The following DYNC1H1 variants were observed in gnomAD, a reference collection of about 807,000 sequenced individuals.
The protein encoded by DYNC1H1 is dynein cytoplasmic 1 heavy chain 1, also known as cytoplasmic dynein 1 heavy chain 1.
DYNC1H1 carries 51 observed loss-of-function variants against 527.1 expected under a neutral mutation model. That is an observed-to-expected ratio of 0.10 (90% confidence interval 0.08 to 0.12). The LOEUF is 0.12. DYNC1H1 is among the 10% of genes least tolerant of loss of function. The pLI is 1.00. For missense variants in DYNC1H1, 2,771 were observed against 5,971.8 expected (o/e 0.46, Z 17.66); for synonymous variants, 2,189 against 2,278.8 (o/e 0.96, Z 1.12).
rs1479775669 is a variant in DYNC1H1 at position 101,965,549 on chromosome 14, C to T, written c.256+602C>T. Reference sequence around the variant, plus strand: ...GAGGCCCACAGAGCGACGGTGCCAGCCCCGGGCCTGCGAGCATCACTGTTG... The same window carrying T: ...GAGGCCCACAGAGCGACGGTGCCAGTCCCGGGCCTGCGAGCATCACTGTTG... On this transcript the variant is annotated intron_variant, in intron 1 of 77. Transcript: ENST00000360184. The surrounding 1 kb of genome is among the most constrained non-coding windows in gnomAD (Gnocchi z 4.1). Among the ~76,000 whole-genome samples the T allele has an allele frequency of 6.6e-6, 1 of 152,150 alleles. No individual in the cohort carries two copies. The highest frequency in any genetic ancestry group is 1.5e-5 in the Non-Finnish European group (1 of 68,036).
intron 9 of DYNC1H1, 57 bp downstream of exon 9, chr14:101,987,689 AAG>A: frequency 6.3e-7 from 1 of 1,592,502 alleles, no homozygotes; most frequent in Non-Finnish European, 8.6e-7. Context: ...ACCCTCCAGT[AAG>A]CTTATTAGTT....
chr14:101,988,434 G>A (rs1224115944), intron 9 of DYNC1H1, among the ~76,000 whole-genome samples: 1 of 152,218 alleles, frequency 6.6e-6, no homozygotes. Flanking sequence ...CACACCAGTG[G>A]AGAGTGTTGG....
Position 101,987,407 on chromosome 14 carries a change from C to G in DYNC1H1, c.2539-46C>G, listed in dbSNP as rs536707892. ...AGAATGTTATGTGAGAATAAAGGAA[C>G]AGAGTGTGAGTGGGTGTTTTAAATA... On this transcript the variant is annotated intron_variant, in intron 8 of 77. Coordinates refer to ENST00000360184, the MANE Select transcript of DYNC1H1 (RefSeq NM_001376.5). The G allele has an allele frequency of 4.5e-5, 70 of 1,561,080 alleles. 1 individual carries two copies. In the South Asian group the frequency reaches 7.8e-4, roughly 17 times the overall value.
At chr14:101,982,309 A>G (rs1380591792) in intron 5 of DYNC1H1, among the ~76,000 whole-genome samples, 6 of 152,150 alleles carry the variant, frequency 3.9e-5, no homozygotes, top group Non-Finnish European at 8.8e-5. Flanking sequence ...AATAATAGAA[A>G]TAGGCTGGGT....
intron 2 of DYNC1H1, among the ~76,000 whole-genome samples, chr14:101,976,827 G>A (rs930892883): frequency 3.9e-5 from 6 of 152,126 alleles, no homozygotes; most frequent in East Asian, 3.9e-4. Flanking sequence ...CGGGAAAAAA[G>A]CAATACATAC....
chr14:102,029,098 G>A lies in DYNC1H1; in HGVS notation c.9469-441G>A. 4.1e-6 allele frequency: 1 copy of A among 243,166 alleles called. No individual in the cohort carries two copies. The highest frequency in any genetic ancestry group is 2.3e-5 in the African/African-American group (1 of 44,152). 15.1% of individuals were successfully genotyped at this position (243,166 alleles called of 1,614,324 possible). On this transcript the variant is annotated intron_variant, in intron 48 of 77. Transcript: ENST00000360184. The surrounding 1 kb of genome is among the most constrained non-coding windows in gnomAD (Gnocchi z 5.3). ...CTGCAGGCCATCTCCATTGCCCTTGGAATGTCGTCCAGCCCTGGCTTCCCC... is the reference window on the plus strand; with the variant it reads ...CTGCAGGCCATCTCCATTGCCCTTGAAATGTCGTCCAGCCCTGGCTTCCCC...
chr14:101,980,507 T>C lies in DYNC1H1; in HGVS notation c.918T>C (p.His306=). 1 of 1,614,222 alleles carries C rather than the reference T, an allele frequency of 6.2e-7. No individual in the cohort carries two copies. The change falls in exon 5 of 78, where the codon CAT becomes CAC. Residue 306 remains histidine (H), a synonymous_variant. Coordinates refer to ENST00000360184, the MANE Select transcript of DYNC1H1 (RefSeq NM_001376.5). The part of the protein sequence containing the change: ...EVLLTLDILK[H]GKRFHATVSF... ...TCCTGACTCTGGATATCTTGAAACA[T>C]GGCAAGCGCTTCCATGCCACCGTCA...
intron 2 of DYNC1H1, among the ~76,000 whole-genome samples, chr14:101,976,894 G>A (rs6575888): frequency 0.33 from 50,148 of 152,068 alleles, 11,634 homozygotes; most frequent in African/African-American, 0.67. Context: ...AACTATTTAT[G>A]TATTGTTTAT....
chr14:102,019,810 T>C (rs2048364942), intron 41 of DYNC1H1, 83 bp from the exon 42 acceptor site: 3 of 1,553,288 alleles, frequency 1.9e-6, no homozygotes, highest in South Asian at 1.1e-5. Flanking sequence ...AATGTAAACA[T>C]GTTTTGCCAC....
At chr14:101,982,565 T>A (rs1480696223) in intron 5 of DYNC1H1, among the ~76,000 whole-genome samples, 1 of 151,924 alleles carries the variant, frequency 6.6e-6, no homozygotes, top group African/African-American at 2.4e-5. Flanking sequence ...GCACTCCAGC[T>A]TGGGCGACAG....
Position 101,985,359 on chromosome 14 carries a change from G to A in DYNC1H1, c.1462-328G>A, listed in dbSNP as rs1232274742. Among the ~76,000 whole-genome samples, 1 of 151,748 alleles carries A rather than the reference G, an allele frequency of 6.6e-6. No homozygotes were observed. The highest frequency in any genetic ancestry group is 6.6e-5 in the Admixed American group (1 of 15,240). ...TTGTTTTTTGAGATGGAGTCTTGCT[G>A]TGTCGCCCAGGCTGGAGTGCAGTGG... On this transcript the variant is annotated intron_variant, in intron 7 of 77. Coordinates refer to ENST00000360184, the MANE Select transcript of DYNC1H1 (RefSeq NM_001376.5). This position sits in a 1 kb window ranked among gnomAD's most constrained non-coding sequence, Gnocchi z 5.9.
chr14:102,005,208 C>T lies in DYNC1H1; in HGVS notation c.5405C>T (p.Pro1802Leu), dbSNP rs1346194464. The T allele has an allele frequency of 6.2e-7, 1 of 1,614,202 alleles. No individual in the cohort carries two copies. Among genetic ancestry groups the T allele is most frequent in the Non-Finnish European group, 8.5e-7 (1 of 1,180,040 alleles). ...GACTCTGTCCTCATGGAGCAGCCCC[C>T]ACTCCGAAGGCGGAAGCTAGAACAC... Reference protein sequence around the residue: ...LADSVLMEQPPLRRRKLEHLI... With the variant: ...LADSVLMEQPLLRRRKLEHLI... The change falls in exon 26 of 78, where the codon CCA becomes CTA. Residue 1802 changes from proline (P) to leucine (L), a missense_variant. By Grantham distance (98) the Pro-to-Leu change is moderately conservative (BLOSUM62 -3). This residue lies in a region of DYNC1H1 where 64 missense variants were observed against 143.4 expected (regional missense o/e 0.45). Transcript: ENST00000360184. This position sits in a 1 kb window ranked among gnomAD's most constrained non-coding sequence, Gnocchi z 4.0.
At position 102,030,268 on chromosome 14, in the gene DYNC1H1, T is replaced by C. The variant is rs750222078; in HGVS notation, c.9869T>C (p.Ile3290Thr). Residue 3290 changes from isoleucine (I) to threonine (T), a missense_variant, in exon 51 of 78, where the codon ATT becomes ACT. By Grantham distance (89) the Ile-to-Thr change is moderately conservative. Around this residue, in one of 32 missense-constraint regions of DYNC1H1, gnomAD observed 30 missense variants for 117.8 expected, o/e 0.25. Transcript: ENST00000360184. ...EDLDKVEPAV[I>T]EAQNAVKSIK... Reference sequence around the variant, plus strand: ...CTTGATAAGGTGGAACCTGCCGTCATTGAGGCCCAGAATGGTATGTAAAGA... The same window carrying C: ...CTTGATAAGGTGGAACCTGCCGTCACTGAGGCCCAGAATGGTATGTAAAGA... 1.2e-6 allele frequency: 2 copies of C among 1,614,126 alleles called. No individual in the cohort carries two copies. Among genetic ancestry groups the C allele is most frequent in the Non-Finnish European group, 8.5e-7 (1 of 1,179,996 alleles).
At chr14:102,019,385 C>T (rs755520658) in intron 41 of DYNC1H1, among the ~76,000 whole-genome samples, 1 of 152,258 alleles carries the variant, frequency 6.6e-6, no homozygotes, top group Non-Finnish European at 1.5e-5. Flanking sequence ...AACTGCCCTG[C>T]TGTGTCTCCC....
At chr14:102,030,378 C>T (rs2048497042) in intron 51 of DYNC1H1, 96 bp downstream of exon 51, 1 of 1,581,674 alleles carries the variant, frequency 6.3e-7, no homozygotes, top group South Asian at 1.1e-5. Context: ...ACATATGCTT[C>T]CCTCAAAGGT....
rs1741438180 is a variant in DYNC1H1 at position 102,001,483 on chromosome 14, G to T, written c.4396-52G>T. 3 of 1,613,956 alleles carry T rather than the reference G, an allele frequency of 1.9e-6. No individual in the cohort carries two copies. The highest frequency in any genetic ancestry group is 2.5e-6 in the Non-Finnish European group (3 of 1,179,908). On this transcript the variant is annotated intron_variant, in intron 20 of 77. Transcript: ENST00000360184. This position sits in a 1 kb window ranked among gnomAD's most constrained non-coding sequence, Gnocchi z 5.0. ...CTTATAATGCTGGGTCCCTTGTGCA[G>T]GTAGTGAATGCCCACATATTGATAA...
chr14:101,980,308 T>G (rs2047848679), intron 4 of DYNC1H1, 56 bp from the exon 5 acceptor site: 9 of 1,592,916 alleles, frequency 5.7e-6, no homozygotes, highest in Non-Finnish European at 7.7e-6. Flanking sequence ...GTTAACGATA[T>G]CTATTCTACC....
At chr14:102,006,893 C>T (rs2048203437) in intron 27 of DYNC1H1, 115 bp from the exon 28 acceptor site, 5 of 1,140,208 alleles carry the variant, frequency 4.4e-6, no homozygotes, top group African/African-American at 1.5e-5. Flanking sequence ...AGCCACCCTA[C>T]CTGGCCACTA....
At position 101,997,337 on chromosome 14, in the gene DYNC1H1, C is replaced by A; in HGVS notation, c.3804+63C>A. 6.2e-7 allele frequency: 1 copy of A among 1,611,502 alleles called. No homozygotes were observed. Among genetic ancestry groups the A allele is most frequent in the Non-Finnish European group, 8.5e-7 (1 of 1,179,362 alleles). On this transcript the variant is annotated intron_variant, in intron 16 of 77. Transcript: ENST00000360184. This position sits in a 1 kb window ranked among gnomAD's most constrained non-coding sequence, Gnocchi z 4.8. ...CCCAGCAGTGTGATTTGGTGACTTT[C>A]TTTCAAGCCTAAAAGGCCTTGCTGT...
Sources: allele counts gnomAD v4.1 joint callset (sites outside exome capture counted in the v4.1 genomes callset), GRCh38; gene constraint gnomAD v4.1.1; regional missense constraint gnomAD v4.1.1; non-coding constraint Gnocchi (gnomAD v3.1); transcripts MANE v1.5; gene names NCBI Gene and HGNC (gene_info 2026-07-23, HGNC 2026-07-21).